Variants in FHIT observed in about 807,000 individuals in gnomAD.
The protein encoded by FHIT is fragile histidine triad diadenosine triphosphatase, also known as bis(5'-adenosyl)-triphosphatase.
In FHIT, 19 loss-of-function variants were observed where a neutral mutation model predicts 17.9. That is an observed-to-expected ratio of 1.06 (90% confidence interval 0.74 to 1.56). The LOEUF is 1.56. Ranked by LOEUF, FHIT falls within the 40% of genes most tolerant of loss-of-function variation. The pLI is 0.00. For synonymous variants in FHIT, 81 were observed against 69.7 expected, an observed-to-expected ratio of 1.16 and a Z score of -0.81; for missense variants, 248 against 189.2, an observed-to-expected ratio of 1.31 and a Z score of -1.82.
chr3:59,960,156 T>C (rs1007983868), intron 7 of FHIT, among the ~76,000 whole-genome samples: 7 of 152,168 alleles, frequency 4.6e-5, no homozygotes, highest in African/African-American at 1.7e-4. Flanking sequence ...ACAACTGTGA[T>C]TGTTCAGACT....
chr3:61,089,209 T>A (rs2106804323), intron 2 of FHIT, among the ~76,000 whole-genome samples: 1 of 152,302 alleles, frequency 6.6e-6, no homozygotes, highest in South Asian at 2.1e-4. Flanking sequence ...CCCAGCTCAA[T>A]ATATACATAC....
chr3:61,188,086 C>G (rs947945077), intron 2 of FHIT, among the ~76,000 whole-genome samples: 1 of 152,062 alleles, frequency 6.6e-6, no homozygotes, highest in Non-Finnish European at 1.5e-5. Context: ...AAGACCAGAG[C>G]AGAACTGAAG....
chr3:61,180,727 C>T (rs1232812747), intron 2 of FHIT, among the ~76,000 whole-genome samples: 3 of 152,110 alleles, frequency 2.0e-5, no homozygotes, highest in Non-Finnish European at 4.4e-5. Context: ...ATTTAATTGC[C>T]CTGCTTTTAT....
chr3:59,881,022 A>AG (rs1293675259), intron 8 of FHIT, among the ~76,000 whole-genome samples: 5 of 152,176 alleles, frequency 3.3e-5, no homozygotes, highest in African/African-American at 1.2e-4. Context: ...TGAAAGTGAA[A>AG]GAAAAAAAAA....
chr3:60,625,211 G>T (rs2039251527), intron 4 of FHIT, among the ~76,000 whole-genome samples: 1 of 152,122 alleles, frequency 6.6e-6, no homozygotes, highest in Non-Finnish European at 1.5e-5. Context: ...GCCTGGCCTT[G>T]TTTCTAGTTT....
intron 8 of FHIT, among the ~76,000 whole-genome samples, chr3:59,795,889 C>T (rs937885419): frequency 7.2e-5 from 11 of 152,174 alleles, no homozygotes; most frequent in East Asian, 1.9e-4. Flanking sequence ...GGTCTCCTTG[C>T]GGGAAGTCCT....
At chr3:60,133,739 T>G (rs1036214105) in intron 5 of FHIT, among the ~76,000 whole-genome samples, 8 of 140,058 alleles carry the variant, frequency 5.7e-5, no homozygotes, top group Non-Finnish European at 1.1e-4. Context: ...TCCTCCTGAC[T>G]TTTTTTTTTT....
chr3:60,079,108 A>T (rs1462783096), intron 5 of FHIT, among the ~76,000 whole-genome samples: 1 of 152,086 alleles, frequency 6.6e-6, no homozygotes, highest in Non-Finnish European at 1.5e-5. Context: ...GGTGCTGCAA[A>T]GCTCCAACCC....
Position 59,915,757 on chromosome 3 carries a change from T to C in FHIT, c.348+6589A>G, listed in dbSNP as rs568703989. 1.2e-3 allele frequency among the ~76,000 whole-genome samples: 182 copies of C among 152,092 alleles called. 6 individuals are homozygous for C. Among genetic ancestry groups the C allele is most frequent in the Admixed American group, 7.2e-4 (11 of 15,280 alleles). ...GAGTTTGAGACCAGCCTGGACAACA[T>C]TGCGAGACCTGTCTCTACAAAAGCA... On this transcript the variant is annotated intron_variant, in intron 8 of 9. Coordinates refer to ENST00000492590, the MANE Select transcript of FHIT (RefSeq NM_002012.4).
intron 3 of FHIT, among the ~76,000 whole-genome samples, chr3:60,940,820 T>G (rs1656799137): frequency 6.6e-6 from 1 of 152,174 alleles, no homozygotes; most frequent in South Asian, 2.1e-4. Flanking sequence ...GACTATATTT[T>G]TCACTCCAAT....
intron 8 of FHIT, among the ~76,000 whole-genome samples, chr3:59,782,190 G>T (rs185237432): frequency 2.4e-3 from 368 of 152,252 alleles, no homozygotes; most frequent in Non-Finnish European, 3.7e-3. Context: ...TGACCTTCAG[G>T]TGATCCACCC....
chr3:60,849,605 T>G (rs1235075479), intron 3 of FHIT, among the ~76,000 whole-genome samples: 2 of 152,022 alleles, frequency 1.3e-5, no homozygotes, highest in Non-Finnish European at 2.9e-5. Flanking sequence ...AAAAATTGAT[T>G]GATTCCGATC....
At position 60,224,175 on chromosome 3, in the gene FHIT, C is replaced by T. The variant is rs565560751; in HGVS notation, c.104-210023G>A. Among the ~76,000 whole-genome samples the T allele has an allele frequency of 9.9e-5, 15 of 152,192 alleles. No homozygotes were observed. In the East Asian group the frequency reaches 1.2e-3, roughly 12 times the overall value. The stretch of plus-strand genomic sequence containing the variant: ...AGCAAACCTCCCTGTGGAGGAGTAC[C>T]GATTTTATCCCCCTTCCGCTATCTT... On this transcript the variant is annotated intron_variant, in intron 5 of 9. Coordinates refer to ENST00000492590, the MANE Select transcript of FHIT (RefSeq NM_002012.4).
chr3:61,187,955 A>G (rs1027161895), intron 2 of FHIT, among the ~76,000 whole-genome samples: 3 of 152,224 alleles, frequency 2.0e-5, no homozygotes, highest in Admixed American at 6.5e-5. Flanking sequence ...AATTTACAGC[A>G]CTAAATGCCC....
chr3:60,294,251 A>G (rs917134019), intron 5 of FHIT, among the ~76,000 whole-genome samples: 2 of 152,184 alleles, frequency 1.3e-5, no homozygotes, highest in African/African-American at 2.4e-5. Flanking sequence ...GATAAATAAC[A>G]TAACAGATTC....
At chr3:60,643,433 C>T (rs2039776592) in intron 4 of FHIT, among the ~76,000 whole-genome samples, 1 of 152,080 alleles carries the variant, frequency 6.6e-6, no homozygotes, top group African/African-American at 2.4e-5. Flanking sequence ...AAAAAAGAAC[C>T]TGCATAGACA....
intron 2 of FHIT, among the ~76,000 whole-genome samples, chr3:61,081,340 G>A (rs2035130698): frequency 6.6e-6 from 1 of 152,146 alleles, no homozygotes; most frequent in Non-Finnish European, 1.5e-5. Flanking sequence ...GAGGTTGTCA[G>A]CCCTCTCTGA....
chr3:60,310,355 A>G (rs1576456597), intron 5 of FHIT, among the ~76,000 whole-genome samples: 3 of 152,284 alleles, frequency 2.0e-5, no homozygotes, highest in Admixed American at 2.0e-4. Context: ...GCTGAAAAGA[A>G]TAAGGGTTTA....
At chr3:60,202,163 C>A (rs560346028) in intron 5 of FHIT, among the ~76,000 whole-genome samples, 14 of 152,316 alleles carry the variant, frequency 9.2e-5, no homozygotes, top group African/African-American at 2.9e-4. Flanking sequence ...GAATTTTAGT[C>A]AAGACTTCGT....
Sources: allele counts gnomAD v4.1 joint callset (sites outside exome capture counted in the v4.1 genomes callset), GRCh38; gene constraint gnomAD v4.1.1; transcripts MANE v1.5; gene names NCBI Gene and HGNC (gene_info 2026-07-23, HGNC 2026-07-21).